Variants in DOCK10 observed in about 807,000 individuals in gnomAD.
DOCK10 encodes the protein dedicator of cytokinesis 10.
A neutral mutation model predicts 280.1 loss-of-function variants in DOCK10; 145 were observed. That is an observed-to-expected ratio of 0.52 (90% CI 0.45 to 0.59). The LOEUF is 0.59. DOCK10 is among the 20% of genes least tolerant of loss of function. The probability of loss-of-function intolerance (pLI) is 0.00; values close to 1 mark genes in which losing one functional copy is unlikely to be tolerated. For synonymous variants in DOCK10, 915 were observed against 942.2 expected (o/e 0.97, Z 0.53); for missense variants, 2,368 against 2,651.7 (o/e 0.89, Z 2.35).
rs16866208 is a variant in DOCK10 at position 224,834,350 on chromosome 2, T to C, written c.2851-87A>G. On this transcript the variant is annotated intron_variant, in intron 25 of 55. Transcript: ENST00000258390. The stretch of plus-strand genomic sequence containing the variant: ...ATGTCATGTGAATAACTTATGTCTC[T>C]AAATTATCTGCTCATGCCAGATTTT... 1.9e-3 allele frequency: 1,510 copies of C among 801,278 alleles called. 11 individuals are homozygous for C. The highest frequency in any genetic ancestry group is 0.017 in the African/African-American group (984 of 58,348). 49.6% of individuals were successfully genotyped at this position (801,278 alleles called of 1,614,324 possible).
chr2:224,843,115 G>A (rs767782360), intron 22 of DOCK10, among the ~76,000 whole-genome samples: 5 of 152,152 alleles, frequency 3.3e-5, no homozygotes, highest in Non-Finnish European at 5.9e-5. Flanking sequence ...CCCATATTGC[G>A]GGGAGTGTCC....
chr2:224,869,108 G>C lies in DOCK10; in HGVS notation c.1258-4021C>G, dbSNP rs147387688. On this transcript the variant is annotated intron_variant, in intron 11 of 55. Coordinates refer to ENST00000258390, the MANE Select transcript of DOCK10 (RefSeq NM_014689.3). ...GCAAAGCCTAACAAATTAATTCATA[G>C]GTTTCTTGTGTTTAGAATTCTGTAC... Among the ~76,000 whole-genome samples the C allele has an allele frequency of 1.9e-3, 287 of 152,060 alleles. 3 individuals are homozygous for C. Among genetic ancestry groups the C allele is most frequent in the African/African-American group, 6.4e-3 (264 of 41,482 alleles).
At chr2:224,844,484 C>A (rs1696194913) in intron 22 of DOCK10, among the ~76,000 whole-genome samples, 1 of 152,120 alleles carries the variant, frequency 6.6e-6, no homozygotes, top group African/African-American at 2.4e-5. Flanking sequence ...TGGAAGCAAA[C>A]CATACTCCAA....
At chr2:225,019,551 C>T (rs1481581938) in intron 1 of DOCK10, among the ~76,000 whole-genome samples, 1 of 151,078 alleles carries the variant, frequency 6.6e-6, no homozygotes, top group East Asian at 1.9e-4. Context: ...TTCTGGTGCT[C>T]CTGGCATCTA....
chr2:224,996,303 G>T (rs912310949), intron 1 of DOCK10, among the ~76,000 whole-genome samples: 9 of 152,146 alleles, frequency 5.9e-5, no homozygotes, highest in Admixed American at 6.5e-5. Context: ...AATCCTAAAA[G>T]GCCAGGTATC....
chr2:224,955,082 T>C (rs981105114), intron 1 of DOCK10, among the ~76,000 whole-genome samples: 44 of 152,212 alleles, frequency 2.9e-4, no homozygotes, highest in African/African-American at 9.4e-4. Context: ...CTGGCAAAAT[T>C]AACTACAGAC....
rs749273458 is a variant in DOCK10, at chr2:224,805,663, G to C, written c.3815-134C>G. On this transcript the variant is annotated intron_variant, in intron 34 of 55. Transcript: ENST00000258390. The surrounding 1 kb of genome is among the most constrained non-coding windows in gnomAD (Gnocchi z 4.3). ...TGTTGTCAAAGACCAACATAACAGC[G>C]TCTGGGATTGGCATTAAAGCCAGCT... 1 of 1,151,208 alleles carries C rather than the reference G, an allele frequency of 8.7e-7. No individual in the cohort carries two copies. Among genetic ancestry groups the C allele is most frequent in the Non-Finnish European group, 1.2e-6 (1 of 826,024 alleles). 71.3% of individuals were successfully genotyped at this position (1,151,208 alleles called of 1,614,324 possible). A position where few individuals can be genotyped will look rare whatever the true frequency, so the allele number is the denominator to read the frequency against.
intron 2 of DOCK10, among the ~76,000 whole-genome samples, chr2:224,917,101 C>CTTTTTTTTT (rs58223345): frequency 0.074 from 7,016 of 95,028 alleles, 1,228 homozygotes; most frequent in Non-Finnish European, 0.095. Context: ...CTATTGGAAT[C>CTTTTTTTTT]TTTTTTTTTT....
intron 1 of DOCK10, among the ~76,000 whole-genome samples, chr2:224,951,368 T>C (rs1703716505): frequency 6.6e-6 from 1 of 152,240 alleles, no homozygotes; most frequent in Admixed American, 6.5e-5. Flanking sequence ...TACATATATA[T>C]GCATGCATAT....
In DOCK10 at chr2:224,875,405, T is replaced by C. The variant is rs562438383; in HGVS notation, c.931+633A>G. Among the ~76,000 whole-genome samples, 13 of 152,344 alleles carry C rather than the reference T, an allele frequency of 8.5e-5. No homozygotes were observed. The South Asian group carries it at 2.7e-3, about 32-fold the overall frequency. On this transcript the variant is annotated intron_variant, in intron 8 of 55. Transcript: ENST00000258390. ...TTGTTTTGGGAGGAGTGACTGACTT[T>C]GCTGGTGTTGAACTTGCCTTCTATG...
chr2:224,798,888 C>T (rs983074658), intron 41 of DOCK10, among the ~76,000 whole-genome samples: 1 of 152,162 alleles, frequency 6.6e-6, no homozygotes, highest in Non-Finnish European at 1.5e-5. Flanking sequence ...CCCTCCTTGG[C>T]CTCCCAAAGT....
chr2:224,876,276 G>C, intron 7 of DOCK10, 55 bp from the exon 8 acceptor site: 2 of 1,429,538 alleles, frequency 1.4e-6, no homozygotes, highest in South Asian at 1.4e-5. Flanking sequence ...AAGCCTTCGA[G>C]AGAGAGATCA....
At chr2:224,864,422 A>G in intron 13 of DOCK10, 131 bp downstream of exon 13, 1 of 868,648 alleles carries the variant, frequency 1.2e-6, no homozygotes, top group Non-Finnish European at 1.7e-6. Flanking sequence ...AGGCAAGAGA[A>G]TCACTTGAAC....
chr2:224,956,625 GAAAA>G (rs3083983), intron 1 of DOCK10, among the ~76,000 whole-genome samples: 1,970 of 78,616 alleles, frequency 0.025, 13 homozygotes, highest in African/African-American at 0.035. Context: ...CGCTACCTCA[GAAAA>G]AAAAAAAAAA....
chr2:224,921,944 A>AAAAAT (rs965338699), intron 2 of DOCK10, among the ~76,000 whole-genome samples: 8 of 152,098 alleles, frequency 5.3e-5, no homozygotes, highest in Non-Finnish European at 7.4e-5. Flanking sequence ...TACTAAAAAT[A>AAAAAT]AAAATAAAAT....
chr2:224,982,525 C>T, intron 1 of DOCK10: 1 of 1,222,620 alleles, frequency 8.2e-7, no homozygotes, highest in Non-Finnish European at 1.0e-6. Flanking sequence ...GGCCAAATAG[C>T]TTGGATGCAG....
rs546450515 is a variant in DOCK10 at position 224,772,456 on chromosome 2, C to T, written c.6204+701G>A. On this transcript the variant is annotated intron_variant, in intron 53 of 55. Transcript: ENST00000258390. ...CTGGTCAGAGTACTAAGCCCCAGGG[C>T]GTCCTCCTTGCAGAAGCCTCCCTAT... is the stretch of plus-strand genomic sequence containing the variant. Among the ~76,000 whole-genome samples the T allele has an allele frequency of 4.6e-5, 7 of 152,248 alleles. No individual in the cohort carries two copies. The East Asian group carries it at 5.8e-4, about 13-fold the overall frequency.
At chr2:224,854,435 A>G (rs1696967243) in intron 16 of DOCK10, among the ~76,000 whole-genome samples, 1 of 152,346 alleles carries the variant, frequency 6.6e-6, no homozygotes, top group African/African-American at 2.4e-5. Context: ...GTCTGACAAC[A>G]TTTCAGTTAT....
chr2:225,004,403 G>T (rs956325018), intron 1 of DOCK10, among the ~76,000 whole-genome samples: 1 of 152,222 alleles, frequency 6.6e-6, no homozygotes, highest in African/African-American at 2.4e-5. Flanking sequence ...TTTGCCCCTA[G>T]AACTTTTAGA....
Sources: allele counts gnomAD v4.1 joint callset (sites outside exome capture counted in the v4.1 genomes callset), GRCh38; gene constraint gnomAD v4.1.1; non-coding constraint Gnocchi (gnomAD v3.1); transcripts MANE v1.5; gene names NCBI Gene and HGNC (gene_info 2026-07-23, HGNC 2026-07-21).